Variants in CHRM3 observed in about 807,000 individuals in gnomAD.
The protein encoded by CHRM3 is muscarinic acetylcholine receptor M3.
Under a neutral mutation model 41.8 loss-of-function variants are expected in CHRM3, and 11 were observed. The observed-to-expected ratio is 0.26, with a 90% CI of 0.17 to 0.44. The LOEUF (loss-of-function observed/expected upper bound fraction) is 0.44, where lower values mean the gene tolerates loss of function less well. Ranked by LOEUF, CHRM3 falls within the 20% of genes least tolerant of loss-of-function variation. The probability of loss-of-function intolerance (pLI) is 1.00; values close to 1 mark genes in which losing one functional copy is unlikely to be tolerated. For synonymous variants in CHRM3, 297 were observed against 301.4 expected (o/e 0.99, Z 0.15); for missense variants, 571 against 745.4 (o/e 0.77, Z 2.72).
At chr1:239,845,137 A>T (rs1488667877) in intron 6 of CHRM3, among the ~76,000 whole-genome samples, 3 of 152,212 alleles carry the variant, frequency 2.0e-5, no homozygotes, top group African/African-American at 7.2e-5. Context: ...ACTTAGTAAC[A>T]ATGTAAAAAA....
At chr1:239,415,945 G>T (rs962712539) in intron 1 of CHRM3, among the ~76,000 whole-genome samples, 1 of 152,048 alleles carries the variant, frequency 6.6e-6, no homozygotes, top group African/African-American at 2.4e-5. Context: ...TTTCTTACTC[G>T]GTAAAAATTA....
intron 2 of CHRM3, among the ~76,000 whole-genome samples, chr1:239,497,158 C>A (rs1471535647): frequency 1.1e-4 from 17 of 152,052 alleles, no homozygotes; most frequent in Admixed American, 8.5e-4. Flanking sequence ...CATGGCCTTT[C>A]TTTTTATCAT....
At position 239,805,877 on chromosome 1, in the gene CHRM3, C is replaced by T. The variant is rs963902459; in HGVS notation, c.-146-21375C>T. Among the ~76,000 whole-genome samples the T allele has an allele frequency of 4.6e-5, 7 of 152,008 alleles. No individual in the cohort carries two copies. The South Asian group carries it at 1.5e-3, about 32-fold the overall frequency. ...TACTAACATAAAAGCACTTGATTTC[C>T]CTTCTTGGTTAGTTCTAAAGAGGTT... is the stretch of plus-strand genomic sequence containing the variant. On this transcript the variant is annotated intron_variant, in intron 5 of 6. Transcript: ENST00000676153.
chr1:239,487,199 C>T (rs898710050), intron 1 of CHRM3, among the ~76,000 whole-genome samples: 1 of 152,056 alleles, frequency 6.6e-6, no homozygotes, highest in African/African-American at 2.4e-5. Flanking sequence ...TAAAGTGAGA[C>T]AAGACAAAGC....
intron 4 of CHRM3, among the ~76,000 whole-genome samples, chr1:239,654,857 G>A (rs568156205): frequency 6.6e-6 from 1 of 152,154 alleles, no homozygotes; most frequent in Non-Finnish European, 1.5e-5. Context: ...AAGACCCCAA[G>A]CTGGATTTGC....
chr1:239,425,981 T>A (rs1662337295), intron 1 of CHRM3, among the ~76,000 whole-genome samples: 1 of 152,104 alleles, frequency 6.6e-6, no homozygotes, highest in Non-Finnish European at 1.5e-5. Flanking sequence ...CCAGTAAGGC[T>A]ATTTTTTTAT....
At chr1:239,476,339 G>A (rs1344697374) in intron 1 of CHRM3, among the ~76,000 whole-genome samples, 8 of 152,028 alleles carry the variant, frequency 5.3e-5, no homozygotes, top group East Asian at 3.9e-4. Flanking sequence ...GTTGGTGGGC[G>A]CCTGTAATCC....
rs148367256 is a variant in CHRM3 at position 239,780,387 on chromosome 1, A to C, written c.-146-46865A>C. Among the ~76,000 whole-genome samples the C allele has an allele frequency of 5.2e-3, 797 of 152,262 alleles. 29 individuals are homozygous for C. In the South Asian group the frequency reaches 0.095, roughly 18 times the overall value. ...ATTTCTCTAAGAAAATATGTTGAGC[A>C]TGTTTTCCTATGTTTCTTTGCCAAC... On this transcript the variant is annotated intron_variant, in intron 5 of 6. Coordinates refer to ENST00000676153, the MANE Select transcript of CHRM3 (RefSeq NM_001375978.1).
At chr1:239,426,209 A>T (rs1463759582) in intron 1 of CHRM3, among the ~76,000 whole-genome samples, 2 of 135,936 alleles carry the variant, frequency 1.5e-5, no homozygotes, top group African/African-American at 5.5e-5. Context: ...GCTGGAGAGG[A>T]TGTGGAGAAA....
chr1:239,537,478 G>T (rs558464900), intron 2 of CHRM3, among the ~76,000 whole-genome samples: 1 of 151,884 alleles, frequency 6.6e-6, no homozygotes. Flanking sequence ...TGAGGGATCC[G>T]CCCCCATGAA....
chr1:239,644,511 G>A (rs1199222273), intron 4 of CHRM3, among the ~76,000 whole-genome samples: 2 of 152,178 alleles, frequency 1.3e-5, no homozygotes, highest in African/African-American at 4.8e-5. Context: ...ATGCATCAGT[G>A]AAAGATCATT....
chr1:239,618,608 G>A (rs1291144438), intron 3 of CHRM3, among the ~76,000 whole-genome samples: 10 of 151,772 alleles, frequency 6.6e-5, no homozygotes, highest in Non-Finnish European at 1.3e-4. Flanking sequence ...ACTTTGGGAG[G>A]CCAAGGCGGT....
At chr1:239,520,834 T>G (rs1408430022) in intron 2 of CHRM3, among the ~76,000 whole-genome samples, 1 of 152,218 alleles carries the variant, frequency 6.6e-6, no homozygotes, top group Non-Finnish European at 1.5e-5. Context: ...AGGCATTTGT[T>G]GACTTTCAAA....
chr1:239,823,800 C>A (rs897155547), intron 5 of CHRM3, among the ~76,000 whole-genome samples: 2 of 151,648 alleles, frequency 1.3e-5, no homozygotes, highest in Non-Finnish European at 2.9e-5. Flanking sequence ...AAATGACAAA[C>A]TTGGGGAAAA....
intron 4 of CHRM3, among the ~76,000 whole-genome samples, chr1:239,636,756 G>A (rs77998981): frequency 5.8e-4 from 89 of 152,288 alleles, no homozygotes; most frequent in African/African-American, 1.9e-3. Context: ...TAATGAATGT[G>A]CGTCTAATAA....
chr1:239,504,164 C>T (rs991844990), intron 2 of CHRM3, among the ~76,000 whole-genome samples: 1 of 151,968 alleles, frequency 6.6e-6, no homozygotes, highest in African/African-American at 2.4e-5. Flanking sequence ...ATACATCTGA[C>T]AAAGGACTAA....
chr1:239,704,413 A>AT (rs1172979781), intron 5 of CHRM3: 3 of 152,290 alleles, frequency 2.0e-5, no homozygotes, highest in East Asian at 1.9e-4. Flanking sequence ...ATGAAAAAAA[A>AT]GGAGGGGAGG....
intron 5 of CHRM3, among the ~76,000 whole-genome samples, chr1:239,686,731 T>A (rs1274218787): frequency 6.6e-6 from 1 of 152,166 alleles, no homozygotes; most frequent in Non-Finnish European, 1.5e-5. Flanking sequence ...TTTTAACGGA[T>A]CCATGAATTT....
At chr1:239,504,101 T>C (rs1668413421) in intron 2 of CHRM3, among the ~76,000 whole-genome samples, 1 of 152,160 alleles carries the variant, frequency 6.6e-6, no homozygotes. Context: ...GCAAAAGCTT[T>C]GTCAGCAGAG....
Sources: gnomAD v4.1 joint callset for allele counts (sites outside exome capture counted in the v4.1 genomes callset) on GRCh38, gnomAD v4.1.1 for gene constraint, MANE v1.5 for transcripts, NCBI Gene and HGNC (gene_info 2026-07-23, HGNC 2026-07-21) for gene names.